EPG5: variants seen among roughly 807,000 people sequenced by gnomAD.
The protein encoded by EPG5 is ectopic P-granules 5 autophagy tethering factor, also known as ectopic P granules protein 5 homolog.
A neutral mutation model predicts 302.7 loss-of-function variants in EPG5; 159 were observed. That is an observed-to-expected ratio of 0.53 (90% confidence interval 0.46 to 0.60). The LOEUF is 0.60. Among genes scored for constraint, EPG5 ranks in the 20% least tolerant of loss-of-function variants. The pLI, the probability that EPG5 is intolerant of heterozygous loss-of-function variation, is 0.00. For missense variants in EPG5, 2,896 were observed against 3,092.4 expected (o/e 0.94, Z 1.51); for synonymous variants, 1,158 against 1,136.8 (o/e 1.02, Z -0.37).
At chr18:45,953,942 G>A (rs769930917) in intron 2 of EPG5, 12 of 985,052 alleles carry the variant, frequency 1.2e-5, no homozygotes, top group Non-Finnish European at 1.4e-5. Context: ...TTATGCCCAA[G>A]GTCACAAACT....
At chr18:45,808,237 A>G in the EPG5 span, among the ~76,000 whole-genome samples, 1 of 152,200 alleles carries the variant, frequency 6.6e-6, no homozygotes, top group Non-Finnish European at 1.5e-5. Context: ...ATTCTATTAA[A>G]TGACCAAACC....
intron 38 of EPG5, 105 bp downstream of exon 38, chr18:45,866,693 C>A: frequency 1.2e-6 from 1 of 857,858 alleles, no homozygotes; most frequent in South Asian, 1.5e-5. Context: ...CATCCTCCGA[C>A]TTCCTCTGCT....
chr18:45,834,583 G>C, the EPG5 span, among the ~76,000 whole-genome samples: 1 of 152,228 alleles, frequency 6.6e-6, no homozygotes, highest in Non-Finnish European at 1.5e-5. Flanking sequence ...TATTGTTCAT[G>C]CCCATCTTTA....
intron 14 of EPG5, among the ~76,000 whole-genome samples, chr18:45,925,500 G>A (rs533741811): frequency 6.8e-4 from 103 of 152,058 alleles, no homozygotes; most frequent in Middle Eastern, 6.8e-3. Context: ...AATAAAAACA[G>A]ATACATGGGA....
intron 16 of EPG5, among the ~76,000 whole-genome samples, chr18:45,919,390 T>G (rs1377940277): frequency 6.6e-6 from 1 of 152,144 alleles, no homozygotes; most frequent in African/African-American, 2.4e-5. Flanking sequence ...GCAGTATCAG[T>G]GAATAAAGGG....
In EPG5 at chr18:45,931,906, A is replaced by G. The variant is rs2050405061; in HGVS notation, c.2258-1076T>C. On this transcript the variant is annotated intron_variant, in intron 11 of 43. Coordinates refer to ENST00000282041, the MANE Select transcript of EPG5 (RefSeq NM_020964.3). ...ATATATCCTTGATGGAACTTTTCAC[A>G]GTAAGAAGGCAACAAGCCAATAATT... Among the ~76,000 whole-genome samples, 4 of 151,626 alleles carry G rather than the reference A, an allele frequency of 2.6e-5. No homozygotes were observed. The South Asian group carries it at 8.3e-4, about 31-fold the overall frequency.
chr18:45,825,147 G>C, the EPG5 span, among the ~76,000 whole-genome samples: 1 of 132,002 alleles, frequency 7.6e-6, no homozygotes. Flanking sequence ...GGGAGGGAGG[G>C]AGGGAAGGAA....
At chr18:45,873,345 A>G (rs2048909615) in intron 35 of EPG5, among the ~76,000 whole-genome samples, 2 of 152,062 alleles carry the variant, frequency 1.3e-5, no homozygotes, top group Non-Finnish European at 2.9e-5. Context: ...CCACGTCTCT[A>G]CTAAAAATAC....
At chr18:45,841,792 G>C in the EPG5 span, among the ~76,000 whole-genome samples, 13 of 152,214 alleles carry the variant, frequency 8.5e-5, no homozygotes, top group Non-Finnish European at 1.9e-4. Flanking sequence ...TGTCCTAGGG[G>C]AAGTCAGGAA....
At chr18:45,939,276 G>A in intron 10 of EPG5, among the ~76,000 whole-genome samples, 1 of 152,168 alleles carries the variant, frequency 6.6e-6, no homozygotes, top group Admixed American at 6.5e-5. Flanking sequence ...TGCAGGCACT[G>A]CAGTGGGTAT....
At chr18:45,807,373 T>G in the EPG5 span, among the ~76,000 whole-genome samples, 1 of 152,176 alleles carries the variant, frequency 6.6e-6, no homozygotes, top group Non-Finnish European at 1.5e-5. Flanking sequence ...CCCATACTAC[T>G]GCAGCTGATG....
Position 45,917,773 on chromosome 18 carries a change from C to T in EPG5, c.3145G>A (p.Val1049Ile). The change falls in exon 17 of 44, where the codon GTC becomes ATC. Residue 1049 changes from valine to isoleucine, a missense_variant. By Grantham distance (29) the Val-to-Ile change is conservative. Coordinates refer to ENST00000282041, the MANE Select transcript of EPG5 (RefSeq NM_020964.3). The stretch of plus-strand genomic sequence containing the variant: ...ACTGTTCTCAAATGTCTTGACTGGA[C>T]CAGAATTCCCAATAGTGGGATGCCT... ...AEGIPLLGIL[V>I]QSRHLRTVVH... is the part of the protein sequence containing the mutation. 1 of 1,614,124 alleles carries T rather than the reference C, an allele frequency of 6.2e-7. No homozygotes were observed. The highest frequency in any genetic ancestry group is 1.1e-5 in the South Asian group (1 of 91,086).
At position 45,848,084 on chromosome 18, in the gene EPG5, G is replaced by A. The variant is rs1307342777; in HGVS notation, c.*4383C>T. 1.3e-5 allele frequency: 2 copies of A among 151,924 alleles called. No individual in the cohort carries two copies. Among genetic ancestry groups the A allele is most frequent in the Non-Finnish European group, 2.9e-5 (2 of 68,020 alleles). The allele number at this position is 151,924 out of a possible 1,614,324, so 9.4% of individuals were successfully genotyped here. A position where few individuals can be genotyped will look rare whatever the true frequency, so the allele number is the denominator to read the frequency against. ...GCTACTCCTGGACACTGATGCCCGAGGCATGCTGTGGAAACCGGACCAAAA... is the reference window on the plus strand; with the variant it reads ...GCTACTCCTGGACACTGATGCCCGAAGCATGCTGTGGAAACCGGACCAAAA... On this transcript the variant is annotated 3_prime_UTR_variant, in exon 44 of 44. Coordinates refer to ENST00000282041, the MANE Select transcript of EPG5 (RefSeq NM_020964.3).
the EPG5 span, among the ~76,000 whole-genome samples, chr18:45,818,415 A>G: frequency 6.6e-6 from 1 of 152,150 alleles, no homozygotes; most frequent in East Asian, 1.9e-4. Flanking sequence ...AATTGTTTCT[A>G]AAGAGATGAC....
chr18:45,963,168 C>A (rs2051183846), intron 1 of EPG5, among the ~76,000 whole-genome samples: 1 of 152,156 alleles, frequency 6.6e-6, no homozygotes, highest in African/African-American at 2.4e-5. Flanking sequence ...GACAAAGTAA[C>A]CACAAATGAG....
At chr18:45,833,316 TTTA>T in the EPG5 span, among the ~76,000 whole-genome samples, 1 of 151,890 alleles carries the variant, frequency 6.6e-6, no homozygotes, top group African/African-American at 2.4e-5. Context: ...TTTTATTTAT[TTTA>T]TTATTATTAT....
chr18:45,930,617 C>G, intron 12 of EPG5, 59 bp downstream of exon 12: 1 of 1,423,380 alleles, frequency 7.0e-7, no homozygotes, highest in Admixed American at 2.6e-5. Flanking sequence ...AAAAAATCAA[C>G]AGATGGACAA....
chr18:45,948,479 T>C lies in EPG5; in HGVS notation c.1571+24A>G, dbSNP rs780458962. On this transcript the variant is annotated intron_variant, in intron 6 of 43. Transcript: ENST00000282041. ...AAGAAAGAAGCATTTCAATCTCTACTTCACAAAGCTCTTGCACACTTACTT... is the reference window on the plus strand; with the variant it reads ...AAGAAAGAAGCATTTCAATCTCTACCTCACAAAGCTCTTGCACACTTACTT... The C allele has an allele frequency of 1.9e-6, 3 of 1,595,060 alleles. No individual in the cohort carries two copies. In the African/African-American group the frequency reaches 4.0e-5, roughly 21 times the overall value.
chr18:45,897,459 C>T (rs1489677847), intron 27 of EPG5, among the ~76,000 whole-genome samples: 1 of 152,132 alleles, frequency 6.6e-6, no homozygotes, highest in African/African-American at 2.4e-5. Flanking sequence ...CTCACTAACT[C>T]GAACTCCACC....
Sources: allele counts gnomAD v4.1 joint callset (sites outside exome capture counted in the v4.1 genomes callset), GRCh38; gene constraint gnomAD v4.1.1; transcripts MANE v1.5; gene names NCBI Gene and HGNC (gene_info 2026-07-23, HGNC 2026-07-21).